The following STAT3 variants were observed in gnomAD, a reference collection of about 807,000 sequenced individuals.
The protein encoded by STAT3 is signal transducer and activator of transcription 3, also known as DNA-binding protein APRF.
A neutral mutation model predicts 114.3 loss-of-function variants in STAT3; 7 were observed. The observed-to-expected ratio is 0.06, with a 90% CI of 0.03 to 0.11. STAT3 has a LOEUF of 0.11. Ranked by LOEUF, STAT3 falls within the 10% of genes least tolerant of loss-of-function variation. The probability of loss-of-function intolerance (pLI) is 1.00; values close to 1 mark genes in which losing one functional copy is unlikely to be tolerated. For synonymous variants in STAT3, 331 were observed against 354.5 expected (o/e 0.93, Z 0.74); for missense variants, 364 against 960.9 (o/e 0.38, Z 8.21).
At chr17:42,343,273 G>GA (rs1216064056) in intron 4 of STAT3, among the ~76,000 whole-genome samples, 1 of 150,924 alleles carries the variant, frequency 6.6e-6, no homozygotes, top group Non-Finnish European at 1.5e-5. Flanking sequence ...CGGAGAAAAA[G>GA]AAAAAATGTC....
At chr17:42,318,547 G>A (rs1298377110) in intron 21 of STAT3, among the ~76,000 whole-genome samples, 1 of 152,186 alleles carries the variant, frequency 6.6e-6, no homozygotes, top group Non-Finnish European at 1.5e-5. Flanking sequence ...TTAGAAATGC[G>A]TTGACGGGAA....
intron 1 of STAT3, among the ~76,000 whole-genome samples, chr17:42,359,085 G>A (rs150256889): frequency 0.015 from 2,248 of 151,728 alleles, 55 homozygotes; most frequent in African/African-American, 0.051. Context: ...CCAGGCGCCC[G>A]CCACCACACC....
At position 42,331,543 on chromosome 17, in the gene STAT3, GA is replaced by G; in HGVS notation, c.1050-13del. The G allele has an allele frequency of 6.2e-7, 1 of 1,612,170 alleles. No homozygotes were observed. The highest frequency in any genetic ancestry group is 8.5e-7 in the Non-Finnish European group (1 of 1,178,764). On this transcript the variant is annotated splice_polypyrimidine_tract_variant and intron_variant, in intron 10 of 23. Coordinates refer to ENST00000264657, the MANE Select transcript of STAT3 (RefSeq NM_139276.3). ...ATTTGACCAGCAACCTATTTAAAAA[GA>G]AAAAATCCAAGGAAAAAAAGTCAGT...
At chr17:42,380,488 G>A (rs541565121) in intron 1 of STAT3, among the ~76,000 whole-genome samples, 7 of 150,244 alleles carry the variant, frequency 4.7e-5, no homozygotes, top group East Asian at 2.0e-4. Flanking sequence ...GGGTTCAAGC[G>A]ATTATCCTGC....
intron 14 of STAT3, among the ~76,000 whole-genome samples, chr17:42,327,457 A>G (rs967077522): frequency 4.6e-5 from 7 of 152,128 alleles, no homozygotes; most frequent in Non-Finnish European, 1.5e-5. Context: ...ATTCCTTTTC[A>G]CAGCTGCGGA....
intron 1 of STAT3, among the ~76,000 whole-genome samples, chr17:42,373,160 C>A (rs1420571749): frequency 6.6e-6 from 1 of 151,788 alleles, no homozygotes; most frequent in Admixed American, 6.6e-5. Context: ...GACATCCTGG[C>A]TAACATAGTG....
intron 1 of STAT3, among the ~76,000 whole-genome samples, chr17:42,362,480 T>C (rs1271196105): frequency 1.3e-5 from 2 of 152,196 alleles, no homozygotes; most frequent in African/African-American, 4.8e-5. Flanking sequence ...AAACTTGATC[T>C]TGCCACACCC....
At chr17:42,348,368 A>G (rs1326525572) in intron 2 of STAT3, 21 bp downstream of exon 2, 2 of 1,613,868 alleles carry the variant, frequency 1.2e-6, no homozygotes, top group Non-Finnish European at 1.7e-6. Flanking sequence ...CAATTTGGAG[A>G]GTCACTTAAG....
intron 20 of STAT3, 128 bp from the exon 21 acceptor site, chr17:42,322,622 C>A: frequency 9.9e-7 from 1 of 1,014,428 alleles, no homozygotes; most frequent in Non-Finnish European, 1.6e-6. Flanking sequence ...ACCCTGAACA[C>A]CCTGTTCAGT....
intron 1 of STAT3, chr17:42,386,866 A>G (rs1424693364): frequency 2.0e-5 from 3 of 152,158 alleles, no homozygotes; most frequent in African/African-American, 7.2e-5. Context: ...TCCCCATCCC[A>G]CTGTGCAAAC....
intron 1 of STAT3, among the ~76,000 whole-genome samples, chr17:42,356,379 C>T (rs1485734851): frequency 6.6e-6 from 1 of 151,882 alleles, no homozygotes; most frequent in African/African-American, 2.4e-5. Context: ...CACTTGAGGC[C>T]AGGAAGTCAA....
intron 21 of STAT3, among the ~76,000 whole-genome samples, chr17:42,317,732 T>C (rs910514339): frequency 6.6e-6 from 1 of 152,214 alleles, no homozygotes. Flanking sequence ...AAAGGTTATA[T>C]CTCTTATTCC....
chr17:42,385,247 G>A (rs2085032929), intron 1 of STAT3, among the ~76,000 whole-genome samples: 1 of 152,104 alleles, frequency 6.6e-6, no homozygotes, highest in African/African-American at 2.4e-5. Flanking sequence ...GGTGGTTCAC[G>A]CCTGTAATCC....
rs147744689 is a variant in STAT3, at chr17:42,368,449, G to A, written c.-24+19830C>T. ...GGTTTGAGATATTCCCAAAGTGACA[G>A]GTTTTTGTTTTGTTTTGTTTTGTTT... On this transcript the variant is annotated intron_variant, in intron 1 of 23. Coordinates refer to ENST00000264657, the MANE Select transcript of STAT3 (RefSeq NM_139276.3). 1.2e-3 allele frequency among the ~76,000 whole-genome samples: 184 copies of A among 152,162 alleles called. 1 individual carries two copies. The highest frequency in any genetic ancestry group is 4.2e-3 in the African/African-American group (174 of 41,534).
At chr17:42,374,720 C>T (rs1398260608) in intron 1 of STAT3, among the ~76,000 whole-genome samples, 1 of 152,030 alleles carries the variant, frequency 6.6e-6, no homozygotes, top group Non-Finnish European at 1.5e-5. Context: ...TGTAACAACC[C>T]TATCAAGTAG....
At chr17:42,342,431 C>T (rs1245157009) in intron 4 of STAT3, among the ~76,000 whole-genome samples, 1 of 151,488 alleles carries the variant, frequency 6.6e-6, no homozygotes, top group Non-Finnish European at 1.5e-5. Flanking sequence ...TGCAGTGGGC[C>T]GAAATCGCGT....
At chr17:42,330,933 A>G (rs2081987414) in intron 11 of STAT3, among the ~76,000 whole-genome samples, 1 of 152,202 alleles carries the variant, frequency 6.6e-6, no homozygotes, top group Non-Finnish European at 1.5e-5. Flanking sequence ...GTGGTCCCAT[A>G]AGATTATCAT....
intron 2 of STAT3, among the ~76,000 whole-genome samples, chr17:42,347,710 T>C (rs1487855526): frequency 6.6e-6 from 1 of 152,192 alleles, no homozygotes; most frequent in East Asian, 1.9e-4. Context: ...TCCCTGTTGA[T>C]ACTGTCCTCG....
intron 1 of STAT3, among the ~76,000 whole-genome samples, chr17:42,379,317 G>A (rs1389559568): frequency 6.6e-6 from 1 of 152,148 alleles, no homozygotes; most frequent in African/African-American, 2.4e-5. Context: ...GGGGAGATGG[G>A]GTGAGAGAAC....
Sources: allele counts gnomAD v4.1 joint callset (sites outside exome capture counted in the v4.1 genomes callset), GRCh38; gene constraint gnomAD v4.1.1; transcripts MANE v1.5; gene names NCBI Gene and HGNC (gene_info 2026-07-23, HGNC 2026-07-21).